The following GPR20 variants were observed in gnomAD, a reference collection of about 807,000 sequenced individuals.
GPR20 encodes G protein-coupled receptor 20, also known as CTD-3064M3.3.
For missense variants in GPR20, 494 were observed against 527.4 expected (o/e 0.94, Z 0.62); for synonymous variants, 241 against 241.9 (o/e 1.00, Z 0.04).
chr8:141,358,596 C>G (rs1009481109), intron 1 of GPR20, among the ~76,000 whole-genome samples: 3 of 152,218 alleles, frequency 2.0e-5, no homozygotes, highest in African/African-American at 7.2e-5. Flanking sequence ...TGGCCCCCAT[C>G]CTCCGGGACC....
intron 1 of GPR20, among the ~76,000 whole-genome samples, chr8:141,364,695 C>G (rs1420136139): frequency 6.6e-6 from 1 of 152,212 alleles, no homozygotes; most frequent in Admixed American, 6.5e-5. Context: ...CTAACGGAAA[C>G]ACCAGTGTCT....
In GPR20 at chr8:141,357,434, G is replaced by T; in HGVS notation, c.490C>A (p.Pro164Thr). The change falls in exon 2 of 2, where the codon CCT (proline) becomes ACT (threonine). Residue 164 changes from proline to threonine, a missense_variant. Pro to Thr is a conservative substitution (Grantham distance 38). Transcript: ENST00000377741. ...RPEGSRRCRQ[P>T]ACARAVCAFV... ...GCGCACACGGCCCTGGCACAGGCAG[G>T]CTGGCGGCAGCGGCGGGAGCCTTCG... The T allele has an allele frequency of 6.2e-7, 1 of 1,604,522 alleles. No individual in the cohort carries two copies. Among genetic ancestry groups the T allele is most frequent in the Non-Finnish European group, 8.5e-7 (1 of 1,177,134 alleles).
At chr8:141,363,362 A>G (rs146227951) in intron 1 of GPR20, among the ~76,000 whole-genome samples, 17 of 152,372 alleles carry the variant, frequency 1.1e-4, no homozygotes, top group Non-Finnish European at 2.1e-4. Context: ...CAGGGCCAAC[A>G]CGTGTGCTCA....
intron 1 of GPR20, among the ~76,000 whole-genome samples, chr8:141,361,790 C>G (rs977768637): frequency 9.9e-5 from 15 of 151,342 alleles, no homozygotes; most frequent in Non-Finnish European, 8.8e-5. Context: ...TGTGGCGGGG[C>G]AGGGGCAGGT....
rs1173567906 is a variant in GPR20 at position 141,357,940 on chromosome 8, C to A, written c.-17G>T. 1 of 1,451,528 alleles carries A rather than the reference C, an allele frequency of 6.9e-7. No homozygotes were observed. The highest frequency in any genetic ancestry group is 2.1e-5 in the Admixed American group (1 of 47,930). The allele number at this position is 1,451,528 out of a possible 1,614,324, so 89.9% of individuals were successfully genotyped here. On this transcript the variant is annotated 5_prime_UTR_variant, in exon 2 of 2. Transcript: ENST00000377741. ...AGAGGGCATGACGGCAGCCAGCACA[C>A]CCCAGGCCTGGAAGCAAGGAGACCA...
rs1831673459 is a variant in GPR20, at chr8:141,357,777, G to A, written c.147C>T (p.Phe49=). 6.2e-7 allele frequency: 1 copy of A among 1,613,456 alleles called. No individual in the cohort carries two copies. The highest frequency in any genetic ancestry group is 1.3e-5 in the African/African-American group (1 of 75,058). ...CCATCAGCGCCAGCCACAGGCCTGG[G>A]AAGGTGCCATGCAGCTCCTCGTCCA... ...ARLDEELHGT[F]PGLWLALMAV... Residue 49 remains phenylalanine, a synonymous_variant, in exon 2 of 2, where the codon TTC becomes TTT. Coordinates refer to ENST00000377741, the MANE Select transcript of GPR20 (RefSeq NM_005293.3).
At chr8:141,361,056 G>A (rs1238741346) in intron 1 of GPR20, among the ~76,000 whole-genome samples, 1 of 152,228 alleles carries the variant, frequency 6.6e-6, no homozygotes, top group Non-Finnish European at 1.5e-5. Flanking sequence ...AGGCACCCTG[G>A]GTCTGTCTGA....
At chr8:141,360,718 TG>T (rs1225237008) in intron 1 of GPR20, among the ~76,000 whole-genome samples, 1 of 152,204 alleles carries the variant, frequency 6.6e-6, no homozygotes, top group African/African-American at 2.4e-5. Context: ...TGGCTCTGCC[TG>T]TGGGAGAGGC....
chr8:141,357,917 A>T lies in GPR20; in HGVS notation c.7T>A (p.Ser3Thr). 1 of 1,545,462 alleles carries T rather than the reference A, an allele frequency of 6.5e-7. No individual in the cohort carries two copies. Among genetic ancestry groups the T allele is most frequent in the Non-Finnish European group, 8.8e-7 (1 of 1,139,406 alleles). Residue 3 changes from serine (S) to threonine (T), a missense_variant, in exon 2 of 2, where the codon TCT becomes ACT. By Grantham distance (58) the Ser-to-Thr change is moderately conservative (BLOSUM62 1). Coordinates refer to ENST00000377741, the MANE Select transcript of GPR20 (RefSeq NM_005293.3). ...GCCGAGGGCCCCGCTGGAGACACAGAGGGCATGACGGCAGCCAGCACACCC... is the reference window on the plus strand; with the variant it reads ...GCCGAGGGCCCCGCTGGAGACACAGTGGGCATGACGGCAGCCAGCACACCC... Reference protein sequence around the residue: MPSVSPAGPSAGA... With the variant: MPTVSPAGPSAGA...
At chr8:141,362,792 T>C (rs1831754972) in intron 1 of GPR20, among the ~76,000 whole-genome samples, 1 of 151,958 alleles carries the variant, frequency 6.6e-6, no homozygotes, top group African/African-American at 2.4e-5. Flanking sequence ...TTCTTTTTTT[T>C]TTTTGAGACG....
intron 1 of GPR20, among the ~76,000 whole-genome samples, chr8:141,364,135 G>A (rs888039968): frequency 2.2e-4 from 33 of 152,242 alleles, no homozygotes; most frequent in Admixed American, 1.3e-3. Context: ...GGAGCAGAGT[G>A]CGGGCTGGGG....
chr8:141,360,735 C>T (rs1586509966), intron 1 of GPR20, among the ~76,000 whole-genome samples: 1 of 152,198 alleles, frequency 6.6e-6, no homozygotes, highest in South Asian at 2.1e-4. Context: ...GAGGCACAGA[C>T]TCTGCTCTCC....
chr8:141,357,259 G>A lies in GPR20; in HGVS notation c.665C>T (p.Ala222Val). The A allele has an allele frequency of 6.5e-7, 1 of 1,544,720 alleles. No individual in the cohort carries two copies. The stretch of plus-strand genomic sequence containing the variant: ...GTGGAGCAGACCCGGCCGCGACAGT[G>A]CACACATGATGCGGCCGGTAAACAC... ...ISVFTGRIMC[A>V]LSRPGLLHQG... The change falls in exon 2 of 2, where the codon GCA becomes GTA. Residue 222 changes from alanine to valine, a missense_variant. Ala to Val is a moderately conservative substitution (Grantham distance 64, BLOSUM62 0). Transcript: ENST00000377741.
chr8:141,364,316 T>G (rs1393083950), intron 1 of GPR20, among the ~76,000 whole-genome samples: 1 of 152,242 alleles, frequency 6.6e-6, no homozygotes, highest in African/African-American at 2.4e-5. Context: ...TTCGGGGAAC[T>G]GTCTGCCTGT....
chr8:141,356,886 G>T lies in GPR20; in HGVS notation c.1038C>A (p.His346Gln). The part of the protein sequence containing the change: ...GRHHILSAGP[H>Q]ALTQALANGP... ...CATTAGCCAGGGCCTGGGTGAGGGC[G>T]TGAGGGCCGGCACTGAGGATGTGAT... Residue 346 changes from histidine to glutamine, a missense_variant, in exon 2 of 2, where the codon CAC becomes CAA. Transcript: ENST00000377741. 3.7e-6 allele frequency: 6 copies of T among 1,608,444 alleles called. No individual in the cohort carries two copies. The highest frequency in any genetic ancestry group is 5.1e-6 in the Non-Finnish European group (6 of 1,176,928).
chr8:141,366,769 T>C (rs1329590692), intron 1 of GPR20, among the ~76,000 whole-genome samples: 2 of 152,184 alleles, frequency 1.3e-5, no homozygotes, highest in Non-Finnish European at 2.9e-5. Context: ...CAAGTGCCTC[T>C]GGGGTCCCCC....
chr8:141,365,345 T>C (rs6421024), intron 1 of GPR20, among the ~76,000 whole-genome samples: 29,450 of 152,084 alleles, frequency 0.19, 7,003 homozygotes, highest in African/African-American at 0.57. Context: ...CTAAGTCATG[T>C]GTCCGGGCTC....
Position 141,357,859 on chromosome 8 carries a change from G to A in GPR20, c.65C>T (p.Thr22Ile), listed in dbSNP as rs1226377201. The A allele has an allele frequency of 4.3e-6, 7 of 1,611,394 alleles. No individual in the cohort carries two copies. The Admixed American group carries it at 1.0e-4, about 23-fold the overall frequency. Reference protein sequence around the residue: ...GAVPNATAVTTVRTNASGLEV... With the variant: ...GAVPNATAVTIVRTNASGLEV... ...CAGCCCGCTGGCATTGGTCCGCACTGTTGTCACTGCGGTGGCATTGGGGAC... is the reference window on the plus strand; with the variant it reads ...CAGCCCGCTGGCATTGGTCCGCACTATTGTCACTGCGGTGGCATTGGGGAC... The change falls in exon 2 of 2, where the codon ACA becomes ATA. Residue 22 changes from threonine (T) to isoleucine (I), a missense_variant. Physicochemically the swap from Thr to Ile is moderately conservative, Grantham distance 89 (BLOSUM62 -1). Transcript: ENST00000377741.
chr8:141,367,176 G>A (rs1831826368), intron 1 of GPR20, 25 bp downstream of exon 1: 1 of 152,290 alleles, frequency 6.6e-6, no homozygotes, highest in East Asian at 1.9e-4. Context: ...GAGGGAGGCT[G>A]GGGCCAGCCC....
Sources: gnomAD v4.1 joint callset for allele counts (sites outside exome capture counted in the v4.1 genomes callset) on GRCh38, gnomAD v4.1.1 for gene constraint, MANE v1.5 for transcripts, NCBI Gene and HGNC (gene_info 2026-07-23, HGNC 2026-07-21) for gene names.